The following PCNX1 variants were observed in gnomAD, a reference collection of about 807,000 sequenced individuals.
PCNX1 encodes the protein pecanex-like protein 1.
In PCNX1, 78 loss-of-function variants were observed where a neutral mutation model predicts 242.2. The observed-to-expected ratio is 0.32, with a 90% CI of 0.27 to 0.39. The LOEUF (loss-of-function observed/expected upper bound fraction) is 0.39, where lower values mean the gene tolerates loss of function less well. Ranked by LOEUF, PCNX1 falls within the 10% of genes least tolerant of loss-of-function variation. PCNX1 has a pLI of 1.00. For missense variants in PCNX1, 2,581 were observed against 2,856.5 expected, an observed-to-expected ratio of 0.90 and a Z score of 2.20; for synonymous variants, 1,024 against 1,032.9, an observed-to-expected ratio of 0.99 and a Z score of 0.17.
At chr14:70,965,612 GA>G (rs2058353898) in intron 3 of PCNX1, among the ~76,000 whole-genome samples, 1 of 140,098 alleles carries the variant, frequency 7.1e-6, no homozygotes, top group African/African-American at 2.7e-5. Context: ...GCAGTGAGCT[GA>G]GATGGCACCA....
intron 7 of PCNX1, among the ~76,000 whole-genome samples, chr14:70,989,755 C>T (rs1028287265): frequency 1.3e-5 from 2 of 152,026 alleles, no homozygotes; most frequent in Non-Finnish European, 2.9e-5. Context: ...TGGTCTTGAA[C>T]TCCTGACCTC....
chr14:71,047,396 C>T (rs975569954), intron 21 of PCNX1, among the ~76,000 whole-genome samples: 1 of 152,060 alleles, frequency 6.6e-6, no homozygotes, highest in South Asian at 2.1e-4. Flanking sequence ...ATGTAACTTA[C>T]ACCATATAGA....
intron 8 of PCNX1, 83 bp from the exon 9 acceptor site, chr14:71,009,551 A>G: frequency 1.4e-6 from 1 of 740,026 alleles, no homozygotes; most frequent in Non-Finnish European, 2.1e-6. Flanking sequence ...CTTAAGATGT[A>G]GAAACTTACG....
chr14:71,026,954 T>G, intron 15 of PCNX1, 72 bp downstream of exon 15: 2 of 651,730 alleles, frequency 3.1e-6, no homozygotes, highest in South Asian at 4.2e-5. Context: ...AAACTGACCA[T>G]TAAAATGCTT....
intron 26 of PCNX1, among the ~76,000 whole-genome samples, chr14:71,064,031 G>A (rs118177717): frequency 0.016 from 2,444 of 151,972 alleles, 25 homozygotes; most frequent in South Asian, 0.034. Flanking sequence ...CAGTATGTTC[G>A]GCTGACTGGA....
chr14:71,052,836 T>C (rs1202609306), intron 24 of PCNX1, among the ~76,000 whole-genome samples: 1 of 152,210 alleles, frequency 6.6e-6, no homozygotes, highest in Non-Finnish European at 1.5e-5. Flanking sequence ...TAACTATCCT[T>C]GTATGTAATC....
Position 71,076,267 on chromosome 14 carries a change from C to T in PCNX1, c.5185C>T (p.Leu1729=). 6.2e-7 allele frequency: 1 copy of T among 1,613,940 alleles called. No individual in the cohort carries two copies. The highest frequency in any genetic ancestry group is 1.1e-5 in the South Asian group (1 of 91,072). The change falls in exon 28 of 36, where the codon CTG becomes TTG. Residue 1729 remains leucine (L), a synonymous_variant. Coordinates refer to ENST00000304743, the MANE Select transcript of PCNX1 (RefSeq NM_014982.3). The stretch of plus-strand genomic sequence containing the variant: ...TGAGACAATGCAGGAAGGACTTCGT[C>T]TGTGTGCTGATCGCAATTATGTCGA... ...ANETMQEGLR[L]CADRNYVDVD... is the part of the protein sequence containing the mutation.
intron 5 of PCNX1, among the ~76,000 whole-genome samples, chr14:70,970,676 C>G (rs1220640637): frequency 6.6e-6 from 1 of 152,092 alleles, no homozygotes; most frequent in Non-Finnish European, 1.5e-5. Context: ...AGTTTGGGGT[C>G]AACATACTTT....
At position 70,978,563 on chromosome 14, in the gene PCNX1, G is replaced by C. The variant is rs758858550; in HGVS notation, c.2226G>C (p.Gln742His). ...DELSLLGRAS[Q>H]LETVTRSRNS... ...TATCTTTATTAGGACGGGCTTCCCAGTTAGAGACAGTCACTCGATCTAGGA... is the reference window on the plus strand; with the variant it reads ...TATCTTTATTAGGACGGGCTTCCCACTTAGAGACAGTCACTCGATCTAGGA... Residue 742 changes from glutamine (Q) to histidine (H), a missense_variant, in exon 6 of 36, where the codon CAG becomes CAC. Transcript: ENST00000304743. 1 of 1,614,140 alleles carries C rather than the reference G, an allele frequency of 6.2e-7. No homozygotes were observed. Among genetic ancestry groups the C allele is most frequent in the South Asian group, 1.1e-5 (1 of 91,078 alleles).
chr14:71,031,599 A>C (rs2060385564), intron 16 of PCNX1: 1 of 555,762 alleles, frequency 1.8e-6, no homozygotes, highest in African/African-American at 1.9e-5. Flanking sequence ...AATCCTGCAC[A>C]ATAGACTTAG....
intron 30 of PCNX1, among the ~76,000 whole-genome samples, chr14:71,098,105 G>C (rs1380102416): frequency 4.6e-5 from 7 of 152,150 alleles, no homozygotes; most frequent in African/African-American, 1.7e-4. Flanking sequence ...TAGGTGTACA[G>C]CTTTATTTCT....
At chr14:70,910,669 G>T (rs1356692085) in intron 1 of PCNX1, among the ~76,000 whole-genome samples, 2 of 152,042 alleles carry the variant, frequency 1.3e-5, no homozygotes, top group East Asian at 3.9e-4. Context: ...AAATAGTATG[G>T]TATTTATTCC....
intron 2 of PCNX1, 67 bp downstream of exon 2, chr14:70,947,190 TTATTA>T: frequency 8.5e-7 from 1 of 1,176,252 alleles, no homozygotes; most frequent in Non-Finnish European, 1.2e-6. Context: ...AATGATGTGA[TTATTA>T]TATTGTACTT....
At chr14:70,951,332 G>A (rs1237810585) in intron 2 of PCNX1, among the ~76,000 whole-genome samples, 4 of 151,812 alleles carry the variant, frequency 2.6e-5, no homozygotes, top group Non-Finnish European at 5.9e-5. Flanking sequence ...AGTGACTCCA[G>A]TATTTTACTT....
intron 1 of PCNX1, among the ~76,000 whole-genome samples, chr14:70,921,717 GAA>G (rs2056383078): frequency 6.6e-6 from 1 of 152,078 alleles, no homozygotes. Flanking sequence ...AAAATTGAAA[GAA>G]TGCTTCATCT....
chr14:70,936,263 A>G (rs1173667476), intron 1 of PCNX1, among the ~76,000 whole-genome samples: 1 of 150,988 alleles, frequency 6.6e-6, no homozygotes, highest in Non-Finnish European at 1.5e-5. Flanking sequence ...TATATCTCCT[A>G]TTGCTATCGC....
chr14:70,993,496 A>G (rs933395255), intron 7 of PCNX1, among the ~76,000 whole-genome samples: 4 of 152,076 alleles, frequency 2.6e-5, no homozygotes, highest in Admixed American at 2.0e-4. Context: ...AATCACATGG[A>G]TTCTGGCTAA....
At chr14:71,008,735 G>T (rs1325972635) in intron 8 of PCNX1, among the ~76,000 whole-genome samples, 1 of 147,518 alleles carries the variant, frequency 6.8e-6, no homozygotes, top group Non-Finnish European at 1.5e-5. Context: ...CCTCATAAAT[G>T]CTCAAAAAGC....
chr14:71,051,820 C>G (rs542214474), intron 23 of PCNX1, 63 bp from the exon 24 acceptor site: 3 of 1,530,924 alleles, frequency 2.0e-6, no homozygotes, highest in African/African-American at 2.8e-5. Flanking sequence ...TAGGTTTTTG[C>G]GAGGGTTTGT....
Sources: gnomAD v4.1 joint callset for allele counts (sites outside exome capture counted in the v4.1 genomes callset) on GRCh38, gnomAD v4.1.1 for gene constraint, MANE v1.5 for transcripts, NCBI Gene and HGNC (gene_info 2026-07-23, HGNC 2026-07-21) for gene names.